Variants in ALCAM observed in about 807,000 individuals in gnomAD.
ALCAM encodes the protein CD166 antigen.
A neutral mutation model predicts 70.9 loss-of-function variants in ALCAM; 30 were observed. The ratio of observed to expected loss-of-function variants is 0.42; its 90% confidence interval spans 0.32 to 0.57. The LOEUF is 0.57. Among genes scored for constraint, ALCAM ranks in the 20% least tolerant of loss-of-function variants. The probability of loss-of-function intolerance (pLI) is 0.11; values close to 1 mark genes in which losing one functional copy is unlikely to be tolerated. For missense variants in ALCAM, 591 were observed against 695.1 expected (o/e 0.85, Z 1.68); for synonymous variants, 249 against 242.5 (o/e 1.03, Z -0.25).
chr3:105,572,407 A>G (rs1224495239), intron 15 of ALCAM, among the ~76,000 whole-genome samples: 1 of 152,188 alleles, frequency 6.6e-6, no homozygotes, highest in Non-Finnish European at 1.5e-5. Flanking sequence ...TACAAAGGAC[A>G]TGAACTCGTC....
chr3:105,466,880 G>C (rs887616700), intron 1 of ALCAM, among the ~76,000 whole-genome samples: 2 of 151,282 alleles, frequency 1.3e-5, no homozygotes, highest in African/African-American at 4.8e-5. Flanking sequence ...GATTTTATCA[G>C]TCTCACACAG....
chr3:105,406,330 T>C (rs1202115241), intron 1 of ALCAM, among the ~76,000 whole-genome samples: 3 of 152,174 alleles, frequency 2.0e-5, no homozygotes, highest in Non-Finnish European at 1.5e-5. Flanking sequence ...AAATGGGTCC[T>C]ATTAAGAATT....
intron 12 of ALCAM, among the ~76,000 whole-genome samples, chr3:105,551,810 CG>C (rs1257972510): frequency 6.6e-6 from 1 of 150,964 alleles, no homozygotes; most frequent in Non-Finnish European, 1.5e-5. Flanking sequence ...TCCTAGGTGC[CG>C]ACTTGCTTCC....
At chr3:105,419,607 T>C (rs186790904) in intron 1 of ALCAM, among the ~76,000 whole-genome samples, 1 of 151,638 alleles carries the variant, frequency 6.6e-6, no homozygotes, top group Non-Finnish European at 1.5e-5. Context: ...GGAAAATGAA[T>C]ATAAAGAGCA....
intron 1 of ALCAM, among the ~76,000 whole-genome samples, chr3:105,452,157 A>G (rs1454934460): frequency 6.6e-6 from 1 of 151,372 alleles, no homozygotes; most frequent in Non-Finnish European, 1.5e-5. Context: ...TTTGTTACAT[A>G]GGTATACATG....
At chr3:105,457,341 A>G (rs1473499232) in intron 1 of ALCAM, among the ~76,000 whole-genome samples, 3 of 152,072 alleles carry the variant, frequency 2.0e-5, no homozygotes, top group African/African-American at 7.2e-5. Flanking sequence ...CTCACTTATA[A>G]GTGGGAGCTA....
intron 1 of ALCAM, among the ~76,000 whole-genome samples, chr3:105,455,429 G>A (rs1937523186): frequency 7.4e-6 from 1 of 135,050 alleles, no homozygotes; most frequent in Non-Finnish European, 1.6e-5. Context: ...GCGACAGAGT[G>A]CGACACCGTC....
intron 1 of ALCAM, among the ~76,000 whole-genome samples, chr3:105,493,191 T>C (rs1284730386): frequency 3.9e-5 from 6 of 152,192 alleles, no homozygotes; most frequent in African/African-American, 1.2e-4. Context: ...TTTCACATAA[T>C]TTGGTCTCTC....
At chr3:105,536,280 G>T (rs1385656168) in intron 6 of ALCAM, among the ~76,000 whole-genome samples, 1 of 151,926 alleles carries the variant, frequency 6.6e-6, no homozygotes, top group Non-Finnish European at 1.5e-5. Context: ...TTTTAGTAGA[G>T]GTGGGGTTCC....
intron 14 of ALCAM, among the ~76,000 whole-genome samples, chr3:105,568,056 TTATTTTA>T (rs1940782530): frequency 4.7e-5 from 5 of 106,868 alleles, no homozygotes; most frequent in Admixed American, 1.0e-4. Flanking sequence ...TTATTTTATT[TTATTTTA>T]TTTTTTTTTT....
chr3:105,576,387 A>T lies in ALCAM; in HGVS notation c.*1936A>T, dbSNP rs565661354. On this transcript the variant is annotated 3_prime_UTR_variant, in exon 16 of 16. Transcript: ENST00000306107. ...AAATCACAAACACTAAAATAAAATT[A>T]CTTCCATATAAATATTATTTTCTCT... 5.2e-5 allele frequency: 8 copies of T among 152,622 alleles called. No homozygotes were observed. The highest frequency in any genetic ancestry group is 1.2e-4 in the Non-Finnish European group (8 of 68,038). 9.5% of individuals were successfully genotyped at this position (152,622 alleles called of 1,614,324 possible). A position where few individuals can be genotyped will look rare whatever the true frequency, so the allele number is the denominator to read the frequency against.
At chr3:105,516,886 G>T (rs1939394974) in intron 1 of ALCAM, among the ~76,000 whole-genome samples, 1 of 151,948 alleles carries the variant, frequency 6.6e-6, no homozygotes, top group Non-Finnish European at 1.5e-5. Flanking sequence ...ATAATCTCTA[G>T]GCTACAAAAC....
At chr3:105,541,338 T>A (rs1940110947) in intron 7 of ALCAM, among the ~76,000 whole-genome samples, 1 of 151,920 alleles carries the variant, frequency 6.6e-6, no homozygotes, top group Non-Finnish European at 1.5e-5. Context: ...AATATAAAAA[T>A]AAAACATTGG....
At chr3:105,490,916 T>A (rs1291548808) in intron 1 of ALCAM, among the ~76,000 whole-genome samples, 1 of 152,184 alleles carries the variant, frequency 6.6e-6, no homozygotes, top group African/African-American at 2.4e-5. Flanking sequence ...CTTCTCACAG[T>A]GCCCCAATGG....
At chr3:105,565,845 G>A (rs534624346) in intron 14 of ALCAM, among the ~76,000 whole-genome samples, 13 of 152,252 alleles carry the variant, frequency 8.5e-5, no homozygotes, top group South Asian at 4.2e-4. Flanking sequence ...TTTCTCATGC[G>A]CTTTTCTTTG....
chr3:105,515,577 A>G (rs1939359732), intron 1 of ALCAM, among the ~76,000 whole-genome samples: 1 of 152,000 alleles, frequency 6.6e-6, no homozygotes, highest in African/African-American at 2.4e-5. Flanking sequence ...GGTATTTGTC[A>G]TGCCTGGAGA....
intron 1 of ALCAM, among the ~76,000 whole-genome samples, chr3:105,410,205 C>A (rs1272191486): frequency 6.6e-6 from 1 of 151,946 alleles, no homozygotes; most frequent in African/African-American, 2.4e-5. Context: ...ACCTGACTAC[C>A]CATACTATTT....
chr3:105,374,012 A>C (rs1447032796), intron 1 of ALCAM, among the ~76,000 whole-genome samples: 1 of 152,258 alleles, frequency 6.6e-6, no homozygotes, highest in African/African-American at 2.4e-5. Context: ...AATGAAAAAC[A>C]AAAAGAAAAG....
chr3:105,425,539 TA>T (rs1466527356), intron 1 of ALCAM, among the ~76,000 whole-genome samples: 1 of 151,822 alleles, frequency 6.6e-6, no homozygotes, highest in Non-Finnish European at 1.5e-5. Flanking sequence ...GATTGCACTG[TA>T]AAAATCATAT....
Sources: gnomAD v4.1 joint callset for allele counts (sites outside exome capture counted in the v4.1 genomes callset) on GRCh38, gnomAD v4.1.1 for gene constraint, MANE v1.5 for transcripts, NCBI Gene and HGNC (gene_info 2026-07-23, HGNC 2026-07-21) for gene names.